The following IGF2BP3 variants were observed in gnomAD, a reference collection of about 807,000 sequenced individuals.
The protein encoded by IGF2BP3 is insulin like growth factor 2 mRNA binding protein 3.
In IGF2BP3, 9 loss-of-function variants were observed where a neutral mutation model predicts 73.8. The observed-to-expected ratio is 0.12, with a 90% confidence interval of 0.07 to 0.21. IGF2BP3 has a LOEUF of 0.21. IGF2BP3 is among the 10% of genes least tolerant of loss of function. The pLI is 1.00. For synonymous variants in IGF2BP3, 258 were observed against 256.7 expected (o/e 1.01, Z -0.05); for missense variants, 542 against 714.0 (o/e 0.76, Z 2.75).
At chr7:23,392,416 C>T (rs1197179078) in intron 3 of IGF2BP3, among the ~76,000 whole-genome samples, 1 of 141,126 alleles carries the variant, frequency 7.1e-6, no homozygotes, top group African/African-American at 2.7e-5. Flanking sequence ...AAAAAAAAGA[C>T]AAGGACAGCT....
intron 5 of IGF2BP3, among the ~76,000 whole-genome samples, chr7:23,354,076 C>A (rs1785032324): frequency 6.6e-6 from 1 of 152,224 alleles, no homozygotes; most frequent in African/African-American, 2.4e-5. Flanking sequence ...TCACTGCAAC[C>A]TCCACCTCCT....
At chr7:23,391,339 A>T (rs920218687) in intron 3 of IGF2BP3, among the ~76,000 whole-genome samples, 1 of 151,994 alleles carries the variant, frequency 6.6e-6, no homozygotes, top group Non-Finnish European at 1.5e-5. Context: ...ACTTCAAATG[A>T]TCTGCCTGCC....
intron 8 of IGF2BP3, among the ~76,000 whole-genome samples, chr7:23,345,439 G>C (rs1784805571): frequency 6.6e-6 from 1 of 152,216 alleles, no homozygotes; most frequent in Admixed American, 6.5e-5. Context: ...GAACACTCAA[G>C]CAGCTCTGTG....
At chr7:23,468,711 G>A (rs1484549583) in intron 1 of IGF2BP3, among the ~76,000 whole-genome samples, 169 bp from the exon 2 acceptor site, 1 of 152,230 alleles carries the variant, frequency 6.6e-6, no homozygotes, top group Non-Finnish European at 1.5e-5. Flanking sequence ...CTCGAGCGGC[G>A]TGGGCATTTA....
At chr7:23,416,595 T>C (rs1787197149) in intron 3 of IGF2BP3, among the ~76,000 whole-genome samples, 1 of 152,228 alleles carries the variant, frequency 6.6e-6, no homozygotes. Context: ...TGCATTAAAG[T>C]AGAAGGTACA....
At chr7:23,336,369 A>C (rs145295003) in intron 10 of IGF2BP3, among the ~76,000 whole-genome samples, 1 of 152,326 alleles carries the variant, frequency 6.6e-6, no homozygotes, top group African/African-American at 2.4e-5. Context: ...GCAAGTATAG[A>C]TACCAGAATG....
chr7:23,366,109 A>G (rs1209245123), intron 3 of IGF2BP3: 3 of 152,156 alleles, frequency 2.0e-5, no homozygotes, highest in Admixed American at 2.0e-4. Flanking sequence ...CTAAGAATAG[A>G]TAAATGCTAT....
Position 23,446,600 on chromosome 7 carries a change from GAAGTAGA to G in IGF2BP3, c.236+21875_236+21881del, listed in dbSNP as rs1788072333. Among the ~76,000 whole-genome samples, 3 of 152,204 alleles carry G rather than the reference GAAGTAGA, an allele frequency of 2.0e-5. No homozygotes were observed. The South Asian group carries it at 6.2e-4, about 32-fold the overall frequency. On this transcript the variant is annotated intron_variant, in intron 2 of 14. Transcript: ENST00000258729. ...ATAATAAATGTAGAAAAAATAAAGA[GAAGTAGA>G]AAGCCACTATTTGACAGCCACTATA... is the stretch of plus-strand genomic sequence containing the variant.
chr7:23,312,257 A>G lies in IGF2BP3; in HGVS notation c.*105T>C. 4.8e-6 allele frequency: 4 copies of G among 835,752 alleles called. No individual in the cohort carries two copies. The highest frequency in any genetic ancestry group is 8.0e-6 in the Non-Finnish European group (4 of 497,538). 51.8% of individuals were successfully genotyped at this position (835,752 alleles called of 1,614,324 possible). ...CCTCAGAAACAACTGGCTAGGTAAA[A>G]ACTTGTGCATGTGATTCTGGATAGG... On this transcript the variant is annotated 3_prime_UTR_variant, in exon 15 of 15. Transcript: ENST00000258729.
chr7:23,362,447 A>G (rs1785254489), intron 3 of IGF2BP3: 1 of 152,226 alleles, frequency 6.6e-6, no homozygotes. Flanking sequence ...CATAGACAGC[A>G]AAAGTGTGAA....
At chr7:23,342,291 G>T (rs1784733080) in intron 9 of IGF2BP3, 102 bp from the exon 10 acceptor site, 3 of 1,281,748 alleles carry the variant, frequency 2.3e-6, no homozygotes, top group Non-Finnish European at 3.4e-6. Flanking sequence ...GTCTAATAAA[G>T]AAATGATTGT....
At chr7:23,385,206 A>G (rs1786043935) in intron 3 of IGF2BP3, among the ~76,000 whole-genome samples, 1 of 152,220 alleles carries the variant, frequency 6.6e-6, no homozygotes, top group Non-Finnish European at 1.5e-5. Context: ...GGCTGCTAAC[A>G]TTACAAAAAG....
intron 3 of IGF2BP3, among the ~76,000 whole-genome samples, chr7:23,409,521 A>C (rs1458973239): frequency 1.3e-5 from 2 of 152,226 alleles, no homozygotes; most frequent in Non-Finnish European, 2.9e-5. Flanking sequence ...GTAACCAAGA[A>C]AGTGTAGTAG....
intron 12 of IGF2BP3, among the ~76,000 whole-genome samples, chr7:23,316,609 A>G (rs1783994869): frequency 7.3e-6 from 1 of 137,588 alleles, no homozygotes; most frequent in African/African-American, 2.7e-5. Flanking sequence ...CAGGAGGTGG[A>G]GTTTGCAGTG....
intron 6 of IGF2BP3, among the ~76,000 whole-genome samples, chr7:23,348,567 G>A (rs1417091731): frequency 6.6e-6 from 1 of 152,138 alleles, no homozygotes; most frequent in Admixed American, 6.5e-5. Flanking sequence ...CATGGGTCAA[G>A]AGTGATGTTT....
intron 2 of IGF2BP3, among the ~76,000 whole-genome samples, chr7:23,433,258 T>C (rs1454579522): frequency 6.6e-6 from 1 of 152,192 alleles, no homozygotes; most frequent in Non-Finnish European, 1.5e-5. Flanking sequence ...ACAAGATATT[T>C]TTAAACAGTG....
intron 2 of IGF2BP3, among the ~76,000 whole-genome samples, chr7:23,448,907 C>T (rs1330731042): frequency 6.6e-6 from 1 of 152,028 alleles, no homozygotes; most frequent in Non-Finnish European, 1.5e-5. Flanking sequence ...TCTGGAATTA[C>T]AGGCATGAGC....
intron 7 of IGF2BP3, among the ~76,000 whole-genome samples, chr7:23,346,617 A>AC (rs1491166262): frequency 6.7e-6 from 1 of 150,018 alleles, no homozygotes; most frequent in Non-Finnish European, 1.5e-5. Context: ...TTTTTGAGAC[A>AC]GAGTCTCCCT....
In IGF2BP3 at chr7:23,351,337, G is replaced by A. The variant is rs563699958; in HGVS notation, c.651C>T (p.Thr217=). 1.2e-6 allele frequency: 2 copies of A among 1,613,846 alleles called. No homozygotes were observed. The highest frequency in any genetic ancestry group is 3.3e-5 in the Admixed American group (2 of 60,002). ...VGAIIGKEGA[T]IRNITKQTQS... ...GGGTCTGTTTGGTGATGTTCCGAATGGTGGCACCTTCTTTTCCTATGATGG... is the reference window on the plus strand; with the variant it reads ...GGGTCTGTTTGGTGATGTTCCGAATAGTGGCACCTTCTTTTCCTATGATGG... Residue 217 remains threonine (T), a synonymous_variant, in exon 6 of 15, where the codon ACC becomes ACT. Transcript: ENST00000258729.
Sources: gnomAD v4.1 joint callset for allele counts (sites outside exome capture counted in the v4.1 genomes callset) on GRCh38, gnomAD v4.1.1 for gene constraint, MANE v1.5 for transcripts, NCBI Gene and HGNC (gene_info 2026-07-23, HGNC 2026-07-21) for gene names.